The following COL25A1 variants were observed in gnomAD, a reference collection of about 807,000 sequenced individuals.
COL25A1 encodes the protein collagen type XXV alpha 1 chain, also known as collagen alpha-1(XXV) chain.
In COL25A1, 103 loss-of-function variants were observed where a neutral mutation model predicts 128.4. The observed-to-expected ratio is 0.80, with a 90% CI of 0.68 to 0.94. The LOEUF (loss-of-function observed/expected upper bound fraction) is 0.94. COL25A1 is among the 40% of genes least tolerant of loss of function. The pLI, the probability that COL25A1 is intolerant of heterozygous loss-of-function variation, is 0.00. For missense variants in COL25A1, 745 were observed against 840.0 expected, an observed-to-expected ratio of 0.89 and a Z score of 1.40; for synonymous variants, 279 against 277.2, an observed-to-expected ratio of 1.01 and a Z score of -0.06.
intron 3 of COL25A1, among the ~76,000 whole-genome samples, chr4:109,102,548 A>T (rs1765997060): frequency 6.6e-6 from 1 of 152,138 alleles, no homozygotes; most frequent in Non-Finnish European, 1.5e-5. Flanking sequence ...CTATTTCATT[A>T]CTAATTTTCT....
chr4:109,050,084 G>T, intron 4 of COL25A1, 51 bp downstream of exon 4: 3 of 1,486,794 alleles, frequency 2.0e-6, no homozygotes, highest in Middle Eastern at 1.8e-4. Context: ...AACAGATGCC[G>T]GAACTTAACC....
chr4:109,150,830 CTT>C lies in COL25A1; in HGVS notation c.368-100653_368-100652del, dbSNP rs562149497. Among the ~76,000 whole-genome samples, 36 of 152,216 alleles carry C rather than the reference CTT, an allele frequency of 2.4e-4. No homozygotes were observed. In the East Asian group the frequency reaches 6.4e-3, roughly 27 times the overall value. On this transcript the variant is annotated intron_variant, in intron 3 of 37. Transcript: ENST00000399132. ...TTTCATTTTAAAGAACCTGTTTACT[CTT>C]GAGATTATATTCCTTCATTTAAACT...
At chr4:108,936,972 G>A (rs966431719) in intron 11 of COL25A1, among the ~76,000 whole-genome samples, 6 of 152,092 alleles carry the variant, frequency 3.9e-5, no homozygotes, top group African/African-American at 1.4e-4. Flanking sequence ...ACATCTGCAT[G>A]CTGCATGCCA....
At chr4:108,844,172 G>A (rs1734799166) in intron 30 of COL25A1, among the ~76,000 whole-genome samples, 1 of 152,170 alleles carries the variant, frequency 6.6e-6, no homozygotes, top group African/African-American at 2.4e-5. Flanking sequence ...GAGCCATTGT[G>A]TCCAGCCAAT....
chr4:109,247,638 G>C (rs1780361432), intron 3 of COL25A1, among the ~76,000 whole-genome samples: 1 of 152,164 alleles, frequency 6.6e-6, no homozygotes, highest in African/African-American at 2.4e-5. Flanking sequence ...ACAGTAAATA[G>C]ATAGATAGAG....
In COL25A1 at chr4:108,914,652, C is replaced by CTTTTT. The variant is rs386401119; in HGVS notation, c.780+3515_780+3519dup. On this transcript the variant is annotated intron_variant, in intron 13 of 37. Coordinates refer to ENST00000399132, the MANE Select transcript of COL25A1 (RefSeq NM_198721.4). ...TAAGTCTAAGGTTCATTTGCTGAAACTTTTTTTTTTTTTTTTTTTTTTGAG... is the reference window on the plus strand; with the variant it reads ...TAAGTCTAAGGTTCATTTGCTGAAACTTTTTTTTTTTTTTTTTTTTTTTTTTTGAG... Among the ~76,000 whole-genome samples the CTTTTT allele has an allele frequency of 4.4e-4, 43 of 98,542 alleles. 1 individual carries two copies. The highest frequency in any genetic ancestry group is 9.6e-4 in the East Asian group (3 of 3,110). The allele number at this position is 98,542 out of a possible 152,430, so 64.6% of individuals were successfully genotyped here.
chr4:108,917,230 T>C (rs1744979607), intron 13 of COL25A1, among the ~76,000 whole-genome samples: 1 of 152,100 alleles, frequency 6.6e-6, no homozygotes. Context: ...GTCTTATTGA[T>C]AGAAAGAAAA....
In COL25A1 at chr4:109,064,303, CCTTTACAATTG is replaced by C. The variant is rs1474535479; in HGVS notation, c.368-14135_368-14125del. On this transcript the variant is annotated intron_variant, in intron 3 of 37. Transcript: ENST00000399132. ...CTTCTTTTAACACGATATGCACAGA[CCTTTACAATTG>C]AAGATTTGTCCCAAAACTTGGAAAA... Among the ~76,000 whole-genome samples, 7 of 152,272 alleles carry C rather than the reference CCTTTACAATTG, an allele frequency of 4.6e-5. No individual in the cohort carries two copies. In the East Asian group the frequency reaches 1.4e-3, roughly 29 times the overall value.
At chr4:109,273,971 A>T (rs1272218176) in intron 3 of COL25A1, among the ~76,000 whole-genome samples, 1 of 152,212 alleles carries the variant, frequency 6.6e-6, no homozygotes, top group Admixed American at 6.5e-5. Context: ...ATTTTAAAGC[A>T]GGAATACTTG....
intron 8 of COL25A1, among the ~76,000 whole-genome samples, chr4:108,972,099 A>C (rs1010238101): frequency 6.6e-6 from 1 of 152,140 alleles, no homozygotes; most frequent in Non-Finnish European, 1.5e-5. Context: ...ATATTCAAGA[A>C]AATGATATAG....
chr4:108,961,628 TGTTGTGTTGTG>T (rs1750715019), intron 8 of COL25A1, among the ~76,000 whole-genome samples: 1 of 150,062 alleles, frequency 6.7e-6, no homozygotes, highest in South Asian at 2.1e-4. Flanking sequence ...TCTGTTCTGT[TGTTGTGTTGTG>T]CTGTGTTGTG....
intron 3 of COL25A1, among the ~76,000 whole-genome samples, chr4:109,169,011 C>T (rs928182994): frequency 2.6e-5 from 4 of 152,086 alleles, no homozygotes; most frequent in African/African-American, 9.7e-5. Context: ...AGAAAATTCC[C>T]ATTAAAAATC....
At chr4:109,232,487 T>A (rs565226602) in intron 3 of COL25A1, among the ~76,000 whole-genome samples, 1 of 152,288 alleles carries the variant, frequency 6.6e-6, no homozygotes, top group Admixed American at 6.5e-5. Flanking sequence ...TTAGACTGAA[T>A]TATCCTAATA....
intron 3 of COL25A1, among the ~76,000 whole-genome samples, chr4:109,065,764 C>T (rs1451824369): frequency 2.0e-5 from 3 of 152,132 alleles, no homozygotes; most frequent in African/African-American, 7.2e-5. Flanking sequence ...ATGACTATCT[C>T]TGGTCATTAG....
At chr4:109,228,114 T>C (rs1275991505) in intron 3 of COL25A1, among the ~76,000 whole-genome samples, 2 of 152,142 alleles carry the variant, frequency 1.3e-5, no homozygotes, top group Admixed American at 6.5e-5. Flanking sequence ...CTTTATTTTG[T>C]TCTCTCTAGG....
intron 24 of COL25A1, among the ~76,000 whole-genome samples, chr4:108,857,150 T>C (rs1292830281): frequency 2.0e-5 from 3 of 152,094 alleles, no homozygotes; most frequent in Admixed American, 2.0e-4. Context: ...GATAAGAAAG[T>C]AGATACCTCT....
intron 32 of COL25A1, among the ~76,000 whole-genome samples, chr4:108,828,332 A>C (rs1008291508): frequency 4.6e-5 from 7 of 151,966 alleles, no homozygotes; most frequent in African/African-American, 1.7e-4. Context: ...ATGGGGTTTC[A>C]CCATGTTGGC....
Position 108,881,729 on chromosome 4 carries a change from G to A in COL25A1, c.1020+2449C>T, listed in dbSNP as rs1192790715. On this transcript the variant is annotated intron_variant, in intron 19 of 37. Transcript: ENST00000399132. The stretch of plus-strand genomic sequence containing the variant: ...AGCTCTACATTTATAAATATCCAAT[G>A]ACCACTAATAGTTGTGACGTATCTT... Among the ~76,000 whole-genome samples, 4 of 152,198 alleles carry A rather than the reference G, an allele frequency of 2.6e-5. No individual in the cohort carries two copies. In the East Asian group the frequency reaches 5.8e-4, roughly 22 times the overall value.
intron 8 of COL25A1, among the ~76,000 whole-genome samples, chr4:108,961,410 T>C (rs1750659580): frequency 6.6e-6 from 1 of 152,218 alleles, no homozygotes; most frequent in African/African-American, 2.4e-5. Flanking sequence ...GGCAAGTGTT[T>C]GATAATTCTT....
Sources: gnomAD v4.1 joint callset for allele counts (sites outside exome capture counted in the v4.1 genomes callset) on GRCh38, gnomAD v4.1.1 for gene constraint, MANE v1.5 for transcripts, NCBI Gene and HGNC (gene_info 2026-07-23, HGNC 2026-07-21) for gene names.